Variants in SEC11A observed in about 807,000 individuals in gnomAD.
SEC11A encodes the protein signal peptidase complex catalytic subunit SEC11A.
SEC11A carries 14 observed loss-of-function variants against 25.6 expected under a neutral mutation model. The observed-to-expected ratio is 0.55, with a 90% CI of 0.36 to 0.85. The LOEUF is 0.85. Among genes scored for constraint, SEC11A ranks in the 40% least tolerant of loss-of-function variants. The pLI is 0.01. For missense variants in SEC11A, 153 were observed against 222.9 expected (o/e 0.69, Z 2.00); for synonymous variants, 83 against 76.4 (o/e 1.09, Z -0.45).
intron 1 of SEC11A, among the ~76,000 whole-genome samples, chr15:84,712,203 C>T (rs1291007158): frequency 6.6e-6 from 1 of 151,698 alleles, no homozygotes; most frequent in Non-Finnish European, 1.5e-5. Flanking sequence ...GATTATGCTA[C>T]TGCACTCCAG....
intron 3 of SEC11A, 101 bp downstream of exon 3, chr15:84,687,524 A>G: frequency 1.1e-6 from 1 of 916,702 alleles, no homozygotes; most frequent in East Asian, 2.9e-5. Context: ...GAAGGCCTAG[A>G]GGTTCCTCAC....
intron 1 of SEC11A, among the ~76,000 whole-genome samples, chr15:84,713,695 T>A (rs1898361743): frequency 6.6e-6 from 1 of 152,240 alleles, no homozygotes; most frequent in Non-Finnish European, 1.5e-5. Context: ...TGTTCTTTCT[T>A]CCTGTCCATT....
chr15:84,696,753 A>G (rs1897779242), intron 1 of SEC11A, among the ~76,000 whole-genome samples: 1 of 152,222 alleles, frequency 6.6e-6, no homozygotes, highest in Non-Finnish European at 1.5e-5. Flanking sequence ...AATAAAAACT[A>G]AAAACAAAAC....
At position 84,672,374 on chromosome 15, in the gene SEC11A, C is replaced by A. The variant is rs1596065819; in HGVS notation, c.432-1592G>T. 5.6e-5 allele frequency: 9 copies of A among 159,338 alleles called. No homozygotes were observed. The South Asian group carries it at 1.3e-3, about 24-fold the overall frequency. 9.9% of individuals were successfully genotyped at this position (159,338 alleles called of 1,614,324 possible). On this transcript the variant is annotated intron_variant, in intron 4 of 5. Coordinates refer to ENST00000268220, the MANE Select transcript of SEC11A (RefSeq NM_014300.4). ...CTCACTGCAACCTCCCTGCCTGATT[C>A]TCCTGCCTCAGCCTGCCCGGTGCCT...
At chr15:84,702,035 C>T (rs188369246) in intron 1 of SEC11A, among the ~76,000 whole-genome samples, 15 of 150,668 alleles carry the variant, frequency 1.0e-4, no homozygotes, top group African/African-American at 3.4e-4. Flanking sequence ...CCACTGCACT[C>T]CAGCCTGGAG....
At chr15:84,694,026 C>A (rs564165390) in intron 1 of SEC11A, among the ~76,000 whole-genome samples, 1 of 151,838 alleles carries the variant, frequency 6.6e-6, no homozygotes, top group East Asian at 1.9e-4. Context: ...ACTGTTTTTT[C>A]AATTTTTTCT....
rs373689725 is a variant in SEC11A at position 84,680,694 on chromosome 15, T to C, written c.431+19A>G. ...TTCAAGTGATATAAAAAGTTTGAGATGCTCCCCTCTATACTTACCCCCTGG... is the reference window on the plus strand; with the variant it reads ...TTCAAGTGATATAAAAAGTTTGAGACGCTCCCCTCTATACTTACCCCCTGG... On this transcript the variant is annotated intron_variant, in intron 4 of 5. Coordinates refer to ENST00000268220, the MANE Select transcript of SEC11A (RefSeq NM_014300.4). 1.4e-5 allele frequency: 22 copies of C among 1,574,346 alleles called. No individual in the cohort carries two copies. Among genetic ancestry groups the C allele is most frequent in the South Asian group, 1.2e-5 (1 of 85,156 alleles).
chr15:84,712,025 G>A (rs527464131), intron 1 of SEC11A, among the ~76,000 whole-genome samples: 18 of 151,982 alleles, frequency 1.2e-4, no homozygotes, highest in East Asian at 3.9e-4. Context: ...AGGATCACTC[G>A]AGCCCAGGAA....
intron 1 of SEC11A, among the ~76,000 whole-genome samples, chr15:84,692,301 G>C (rs1897635244): frequency 6.6e-6 from 1 of 151,930 alleles, no homozygotes; most frequent in East Asian, 1.9e-4. Context: ...TAAAGGGCTG[G>C]GATTACAGGC....
chr15:84,711,956 C>T (rs1210905711), intron 1 of SEC11A, among the ~76,000 whole-genome samples: 4 of 152,000 alleles, frequency 2.6e-5, no homozygotes, highest in Non-Finnish European at 5.9e-5. Context: ...ATTTAAACAA[C>T]TTGGCTGGGT....
At chr15:84,692,905 G>C (rs921722632) in intron 1 of SEC11A, among the ~76,000 whole-genome samples, 1 of 152,072 alleles carries the variant, frequency 6.6e-6, no homozygotes, top group Non-Finnish European at 1.5e-5. Flanking sequence ...GAGTGCAGTG[G>C]CACAATCACA....
chr15:84,689,064 A>AAAAAG (rs1169632972), intron 2 of SEC11A, among the ~76,000 whole-genome samples: 1 of 151,628 alleles, frequency 6.6e-6, no homozygotes, highest in South Asian at 2.1e-4. Flanking sequence ...AGAAAAGAAA[A>AAAAAG]AAAAGAAAAG....
chr15:84,676,668 C>A (rs969482084), intron 4 of SEC11A, among the ~76,000 whole-genome samples: 15 of 151,708 alleles, frequency 9.9e-5, no homozygotes, highest in Non-Finnish European at 1.8e-4. Flanking sequence ...AAGCTGTAAT[C>A]CCAGCTACTC....
chr15:84,687,785 A>T lies in SEC11A; in HGVS notation c.162-11T>A, dbSNP rs1196847581. 6.3e-7 allele frequency: 1 copy of T among 1,585,724 alleles called. No homozygotes were observed. The highest frequency in any genetic ancestry group is 1.4e-5 in the African/African-American group (1 of 73,190). On this transcript the variant is annotated splice_polypyrimidine_tract_variant and intron_variant, in intron 2 of 5. Coordinates refer to ENST00000268220, the MANE Select transcript of SEC11A (RefSeq NM_014300.4). ...GGTTCCATGCTGCCACTGGAAGGGAAAGAAGAATATAACAGCAAAAAGAAA... is the reference window on the plus strand; with the variant it reads ...GGTTCCATGCTGCCACTGGAAGGGATAGAAGAATATAACAGCAAAAAGAAA...
At chr15:84,702,448 A>G (rs1897976311) in intron 1 of SEC11A, among the ~76,000 whole-genome samples, 1 of 151,576 alleles carries the variant, frequency 6.6e-6, no homozygotes, top group African/African-American at 2.4e-5. Flanking sequence ...CCTGGGCAGC[A>G]AAAGCGAAAC....
chr15:84,675,635 T>C (rs1278975873), intron 4 of SEC11A, among the ~76,000 whole-genome samples: 1 of 152,236 alleles, frequency 6.6e-6, no homozygotes, highest in Non-Finnish European at 1.5e-5. Flanking sequence ...CTTCCTTATA[T>C]ATTTTTAATT....
At chr15:84,681,990 T>C (rs985668190) in intron 3 of SEC11A, among the ~76,000 whole-genome samples, 5 of 152,024 alleles carry the variant, frequency 3.3e-5, no homozygotes, top group South Asian at 2.1e-4. Context: ...CCCAGGGAGA[T>C]TGAGGCTGCG....
intron 4 of SEC11A, among the ~76,000 whole-genome samples, chr15:84,678,476 A>G (rs1182198022): frequency 6.6e-6 from 1 of 152,224 alleles, no homozygotes; most frequent in Non-Finnish European, 1.5e-5. Context: ...AGAATACCTA[A>G]CAACAGGAGA....
At chr15:84,674,487 T>C (rs567793879) in intron 4 of SEC11A, among the ~76,000 whole-genome samples, 1 of 152,178 alleles carries the variant, frequency 6.6e-6, no homozygotes, top group South Asian at 2.1e-4. Context: ...ATGATATCTA[T>C]GCCCAAAGAA....
Sources: allele counts gnomAD v4.1 joint callset (sites outside exome capture counted in the v4.1 genomes callset), GRCh38; gene constraint gnomAD v4.1.1; transcripts MANE v1.5; gene names NCBI Gene and HGNC (gene_info 2026-07-23, HGNC 2026-07-21).